The following TTC29 variants were observed in gnomAD, a reference collection of about 807,000 sequenced individuals.
The protein encoded by TTC29 is tetratricopeptide repeat domain 29.
In TTC29, 49 loss-of-function variants were observed where a neutral mutation model predicts 58.1. The observed-to-expected ratio is 0.84, with a 90% CI of 0.67 to 1.07. The LOEUF (loss-of-function observed/expected upper bound fraction) is 1.07, where lower values mean the gene tolerates loss of function less well. Ranked by LOEUF, TTC29 falls within the 50% of genes least tolerant of loss-of-function variation. The probability of loss-of-function intolerance (pLI) is 0.00; values close to 1 mark genes in which losing one functional copy is unlikely to be tolerated. For synonymous variants in TTC29, 209 were observed against 196.8 expected, an observed-to-expected ratio of 1.06 and a Z score of -0.52; for missense variants, 582 against 555.6, an observed-to-expected ratio of 1.05 and a Z score of -0.48.
In TTC29 at chr4:146,833,850, G is replaced by C; in HGVS notation, c.933C>G (p.Leu311=). 1.2e-6 allele frequency: 2 copies of C among 1,613,276 alleles called. No individual in the cohort carries two copies. Among genetic ancestry groups the C allele is most frequent in the Non-Finnish European group, 1.7e-6 (2 of 1,179,510 alleles). Residue 311 remains leucine (L), a synonymous_variant, in exon 9 of 13, where the codon CTC becomes CTG. Transcript: ENST00000325106. ...CKISTDLDDD[L]SLGRGYEAIA... is the part of the protein sequence containing the mutation. ...TGGCTTCATAGCCTCTCCCCAGACT[G>C]AGATCATCATCCAGGTCTGTGGAGA...
chr4:146,816,970 T>C (rs1160470928), intron 10 of TTC29, among the ~76,000 whole-genome samples: 1 of 152,136 alleles, frequency 6.6e-6, no homozygotes, highest in Admixed American at 6.5e-5. Context: ...GGGAATTGTT[T>C]GATACCACTA....
chr4:146,771,066 A>G (rs1747689565), intron 11 of TTC29, among the ~76,000 whole-genome samples: 2 of 152,088 alleles, frequency 1.3e-5, no homozygotes, highest in South Asian at 2.1e-4. Flanking sequence ...TTAATACTCA[A>G]TAAGAACAGA....
intron 4 of TTC29, among the ~76,000 whole-genome samples, chr4:146,928,790 G>T (rs1311076933): frequency 6.6e-6 from 1 of 152,026 alleles, no homozygotes; most frequent in Non-Finnish European, 1.5e-5. Flanking sequence ...TTTTGCTTGG[G>T]GTGTTCCCCA....
chr4:146,853,524 T>C (rs765180348), intron 8 of TTC29, among the ~76,000 whole-genome samples: 1 of 152,174 alleles, frequency 6.6e-6, no homozygotes, highest in African/African-American at 2.4e-5. Flanking sequence ...CATTTACTTT[T>C]TTTCTGAATT....
chr4:146,752,856 A>T (rs1184472676), intron 11 of TTC29, among the ~76,000 whole-genome samples: 1 of 152,224 alleles, frequency 6.6e-6, no homozygotes, highest in Middle Eastern at 3.2e-3. Context: ...CATACGTAGA[A>T]AGCCAAAACT....
At chr4:146,721,460 A>C (rs936070244) in intron 11 of TTC29, among the ~76,000 whole-genome samples, 3 of 152,206 alleles carry the variant, frequency 2.0e-5, no homozygotes, top group Non-Finnish European at 4.4e-5. Context: ...TTCTCTTTTG[A>C]AAACTAATAT....
Position 146,893,591 on chromosome 4 carries a change from C to T in TTC29, c.586+9953G>A, listed in dbSNP as rs575717914. ...AAACCATAAAAACCCTGGAAGAAAACCTAGGCAATACCATTCAGGACACAG... is the reference window on the plus strand; with the variant it reads ...AAACCATAAAAACCCTGGAAGAAAATCTAGGCAATACCATTCAGGACACAG... On this transcript the variant is annotated intron_variant, in intron 6 of 12. Transcript: ENST00000325106. Among the ~76,000 whole-genome samples, 578 of 152,206 alleles carry T rather than the reference C, an allele frequency of 3.8e-3. 6 individuals carry two copies. Among genetic ancestry groups the T allele is most frequent in the African/African-American group, 0.013 (535 of 41,502 alleles).
chr4:146,772,185 C>A (rs565524132), intron 11 of TTC29, among the ~76,000 whole-genome samples: 1 of 152,196 alleles, frequency 6.6e-6, no homozygotes, highest in South Asian at 2.1e-4. Flanking sequence ...AATATATTCT[C>A]CCATTCTGTA....
chr4:146,793,907 G>T (rs1337373431), intron 11 of TTC29, among the ~76,000 whole-genome samples: 1 of 152,118 alleles, frequency 6.6e-6, no homozygotes, highest in Admixed American at 6.5e-5. Flanking sequence ...AATAACATTT[G>T]CATGGTTAAA....
chr4:146,789,317 A>G (rs963186556), intron 11 of TTC29, among the ~76,000 whole-genome samples: 2 of 152,206 alleles, frequency 1.3e-5, no homozygotes, highest in African/African-American at 4.8e-5. Context: ...TCCTGCATAT[A>G]AGAATCTCCT....
chr4:146,869,940 C>G (rs10022165), intron 7 of TTC29, among the ~76,000 whole-genome samples: 4 of 151,856 alleles, frequency 2.6e-5, no homozygotes, highest in Non-Finnish European at 5.9e-5. Context: ...CTTGGCACTA[C>G]TAAAATTGAG....
chr4:146,903,699 T>C lies in TTC29; in HGVS notation c.431A>G (p.Tyr144Cys), dbSNP rs1733318805. 6.2e-7 allele frequency: 1 copy of C among 1,609,424 alleles called. No homozygotes were observed. Among genetic ancestry groups the C allele is most frequent in the Admixed American group, 1.7e-5 (1 of 59,304 alleles). ...ESFEDVHNNL[Y>C]ALACYFNNSE... ...ATTATTGAAGTAACAGGCCAGAGCA[T>C]ACAAGTTATTATGTACATCTTCGAA... is the stretch of plus-strand genomic sequence containing the variant. The change falls in exon 6 of 13, where the codon TAT (tyrosine) becomes TGT (cysteine). Residue 144 changes from tyrosine to cysteine, a missense_variant. Tyr to Cys is a radical substitution (Grantham distance 194, BLOSUM62 -2). Transcript: ENST00000325106.
At chr4:146,794,542 T>C (rs927910800) in intron 11 of TTC29, among the ~76,000 whole-genome samples, 1 of 152,050 alleles carries the variant, frequency 6.6e-6, no homozygotes, top group African/African-American at 2.4e-5. Flanking sequence ...TTTGACCAAA[T>C]TTTCCCAAGT....
chr4:146,822,438 G>C (rs1751914267), intron 9 of TTC29, among the ~76,000 whole-genome samples: 1 of 152,194 alleles, frequency 6.6e-6, no homozygotes, highest in African/African-American at 2.4e-5. Flanking sequence ...TGGCTGCATA[G>C]TATTCCATGG....
chr4:146,895,561 C>A (rs1209481408), intron 6 of TTC29, among the ~76,000 whole-genome samples: 1 of 152,140 alleles, frequency 6.6e-6, no homozygotes, highest in Non-Finnish European at 1.5e-5. Context: ...GATCTTTGAA[C>A]TCTATGAGGA....
intron 11 of TTC29, among the ~76,000 whole-genome samples, chr4:146,769,601 TCTG>T (rs1194064365): frequency 6.6e-6 from 1 of 152,028 alleles, no homozygotes; most frequent in Non-Finnish European, 1.5e-5. Context: ...AGTCCCCACT[TCTG>T]CTGTAAGTTA....
intron 11 of TTC29, among the ~76,000 whole-genome samples, chr4:146,801,523 G>T (rs1037235531): frequency 9.2e-5 from 14 of 151,738 alleles, no homozygotes; most frequent in African/African-American, 3.4e-4. Flanking sequence ...AACTTAATCT[G>T]CCCCCCTCTA....
chr4:146,728,818 T>C lies in TTC29; in HGVS notation c.1331-21267A>G, dbSNP rs1258600458. ...ACGTATATATACACATATATATGTG[T>C]ATATATACATATATATACACATATA... On this transcript the variant is annotated intron_variant, in intron 11 of 12. Coordinates refer to ENST00000325106, the MANE Select transcript of TTC29 (RefSeq NM_031956.4). Among the ~76,000 whole-genome samples the C allele has an allele frequency of 2.0e-3, 230 of 116,894 alleles. 18 individuals carry two copies. Among genetic ancestry groups the C allele is most frequent in the Middle Eastern group, 0.018 (4 of 226 alleles). 76.7% of individuals were successfully genotyped at this position (116,894 alleles called of 152,430 possible). A position where few individuals can be genotyped will look rare whatever the true frequency, so the allele number is the denominator to read the frequency against.
intron 2 of TTC29, among the ~76,000 whole-genome samples, chr4:146,942,210 T>C (rs1736468852): frequency 1.3e-5 from 2 of 152,182 alleles, no homozygotes; most frequent in African/African-American, 2.4e-5. Flanking sequence ...TGAAACAAAA[T>C]GCCCACTTAT....
Sources: allele counts gnomAD v4.1 joint callset (sites outside exome capture counted in the v4.1 genomes callset), GRCh38; gene constraint gnomAD v4.1.1; transcripts MANE v1.5; gene names NCBI Gene and HGNC (gene_info 2026-07-23, HGNC 2026-07-21).